PTPRS: variants seen among roughly 807,000 people sequenced by gnomAD.
PTPRS encodes receptor-type tyrosine-protein phosphatase S.
A neutral mutation model predicts 215.3 loss-of-function variants in PTPRS; 63 were observed. The observed-to-expected ratio is 0.29, with a 90% confidence interval of 0.24 to 0.36. The LOEUF (loss-of-function observed/expected upper bound fraction) is 0.36, where lower values mean the gene tolerates loss of function less well. Among genes scored for constraint, PTPRS ranks in the 10% least tolerant of loss-of-function variants. The probability of loss-of-function intolerance (pLI) is 1.00; values close to 1 mark genes in which losing one functional copy is unlikely to be tolerated. For synonymous variants in PTPRS, 1,404 were observed against 1,191.4 expected (o/e 1.18, Z -3.68); for missense variants, 2,258 against 2,825.8 (o/e 0.80, Z 4.56).
At chr19:5,327,459 C>T (rs1158702366) in intron 1 of PTPRS, among the ~76,000 whole-genome samples, 1 of 152,128 alleles carries the variant, frequency 6.6e-6, no homozygotes, top group African/African-American at 2.4e-5. Flanking sequence ...GAACAAGCAG[C>T]TCAGACATGA....
intron 4 of PTPRS, among the ~76,000 whole-genome samples, chr19:5,270,952 C>G (rs1638365014): frequency 6.6e-6 from 1 of 152,148 alleles, no homozygotes; most frequent in Non-Finnish European, 1.5e-5. Context: ...GGGAGGGATC[C>G]TGGATGACTG....
rs2042994747 is a variant in PTPRS, at chr19:5,231,313, C to G, written c.2152G>C (p.Asp718His). ...SSPVVVRTDEDVPSAPPRKVE... is the reference protein window; with the variant it reads ...SSPVVVRTDEHVPSAPPRKVE... ...CGGGCCTGGGGCAGGTACTTACCAT[C>G]CTCGTCGGTGCGGACGACCACGGGC... Residue 718 changes from aspartate to histidine, a missense_variant, in exon 14 of 38, where the codon GAT (aspartate) becomes CAT (histidine). Physicochemically the swap from Asp to His is moderately conservative, Grantham distance 81 (BLOSUM62 -1). Around this residue, in one of 6 missense-constraint regions of PTPRS, gnomAD observed 371 missense variants for 446.7 expected, o/e 0.83. Coordinates refer to ENST00000262963, the MANE Select transcript of PTPRS (RefSeq NM_002850.4). 2.5e-6 allele frequency: 4 copies of G among 1,604,664 alleles called. No homozygotes were observed. Among genetic ancestry groups the G allele is most frequent in the Non-Finnish European group, 3.4e-6 (4 of 1,178,358 alleles).
At chr19:5,246,901 G>A (rs1403157712) in intron 9 of PTPRS, among the ~76,000 whole-genome samples, 1 of 151,618 alleles carries the variant, frequency 6.6e-6, no homozygotes, top group Admixed American at 6.7e-5. Context: ...GAGAGAGAGA[G>A]AGAAAGAGAG....
chr19:5,222,198 C>T lies in PTPRS; in HGVS notation c.3126G>A (p.Val1042=). The change falls in exon 19 of 38, where the codon GTG becomes GTA. Residue 1042 remains valine, a synonymous_variant. Coordinates refer to ENST00000262963, the MANE Select transcript of PTPRS (RefSeq NM_002850.4). Reference sequence around the variant, plus strand: ...GAACTGATGTCTTCATGATCATTTTCACCTTGAAGTTCTTGGGCGAGACTG... The same window carrying T: ...GAACTGATGTCTTCATGATCATTTTTACCTTGAAGTTCTTGGGCGAGACTG... The part of the protein sequence containing the change: ...RDQVSPKNFK[V]KMIMKTSVLL... 6.2e-7 allele frequency: 1 copy of T among 1,613,918 alleles called. No homozygotes were observed. Among genetic ancestry groups the T allele is most frequent in the Non-Finnish European group, 8.5e-7 (1 of 1,179,954 alleles).
intron 10 of PTPRS, among the ~76,000 whole-genome samples, chr19:5,245,483 G>A (rs1222784487): frequency 6.6e-6 from 1 of 151,676 alleles, no homozygotes; most frequent in Admixed American, 6.6e-5. Flanking sequence ...GGTAGAGAAG[G>A]GGCCTGGCTA....
chr19:5,234,479 C>G (rs1490299917), intron 13 of PTPRS, among the ~76,000 whole-genome samples: 2 of 152,200 alleles, frequency 1.3e-5, no homozygotes, highest in Non-Finnish European at 1.5e-5. Context: ...CAACTATGCA[C>G]CTGGCACCAC....
chr19:5,219,580 T>C lies in PTPRS; in HGVS notation c.3766-113A>G, dbSNP rs2041796027. 5 of 1,305,648 alleles carry C rather than the reference T, an allele frequency of 3.8e-6. No homozygotes were observed. The African/African-American group carries it at 6.0e-5, about 16-fold the overall frequency. 80.9% of individuals were successfully genotyped at this position (1,305,648 alleles called of 1,614,324 possible). ...TCCCCCGCTCTAGATCCTCCTATAT[T>C]CCTAGAACCTTGACCCTGGTGGCCT... On this transcript the variant is annotated intron_variant, in intron 22 of 37. Coordinates refer to ENST00000262963, the MANE Select transcript of PTPRS (RefSeq NM_002850.4).
chr19:5,205,678 CCTT>C lies in PTPRS; in HGVS notation c.*1093_*1095del, dbSNP rs2040310814. ...GGTAGGCGGGTAGAGGGGGGCCTGTCCTTCTGGTTTTGCTCCCAAACTGCCCCA... is the reference window on the plus strand; with the variant it reads ...GGTAGGCGGGTAGAGGGGGGCCTGTCCTGGTTTTGCTCCCAAACTGCCCCA... On this transcript the variant is annotated 3_prime_UTR_variant, in exon 38 of 38. Transcript: ENST00000262963. Among the ~76,000 whole-genome samples, 1 of 152,166 alleles carries C rather than the reference CCTT, an allele frequency of 6.6e-6. No individual in the cohort carries two copies. The highest frequency in any genetic ancestry group is 6.5e-5 in the Admixed American group (1 of 15,280).
intron 16 of PTPRS, among the ~76,000 whole-genome samples, chr19:5,228,495 GCCA>G (rs779931454): frequency 6.6e-6 from 1 of 151,970 alleles, no homozygotes; most frequent in Non-Finnish European, 1.5e-5. Context: ...ACAGGTGCCT[GCCA>G]CCACACCAGG....
intron 1 of PTPRS, among the ~76,000 whole-genome samples, chr19:5,327,476 C>T (rs1319002555): frequency 6.6e-6 from 1 of 152,164 alleles, no homozygotes. Context: ...ATGATTCAAA[C>T]TTGCACCATT....
chr19:5,330,180 G>A (rs558158675), intron 1 of PTPRS, among the ~76,000 whole-genome samples: 1 of 152,116 alleles, frequency 6.6e-6, no homozygotes, highest in South Asian at 2.1e-4. Context: ...GTGACTGCAG[G>A]GCCCCCGTGA....
chr19:5,283,176 G>A lies in PTPRS; in HGVS notation c.91+2874C>T, dbSNP rs79084385. On this transcript the variant is annotated intron_variant, in intron 2 of 37. Transcript: ENST00000262963. Reference sequence around the variant, plus strand: ...CACCCTGTCCCCTCCAACCCTGCCCGGGGCCAGCCCCACGGCATCCTGGGA... The same window carrying A: ...CACCCTGTCCCCTCCAACCCTGCCCAGGGCCAGCCCCACGGCATCCTGGGA... 1.2e-3 allele frequency among the ~76,000 whole-genome samples: 171 copies of A among 140,738 alleles called. 7 individuals carry two copies. The East Asian group carries it at 0.037, about 30-fold the overall frequency. 92.3% of individuals were successfully genotyped at this position (140,738 alleles called of 152,430 possible).
chr19:5,231,115 G>A (rs935734621), intron 14 of PTPRS, among the ~76,000 whole-genome samples, 195 bp downstream of exon 14: 19 of 152,336 alleles, frequency 1.2e-4, no homozygotes, highest in Middle Eastern at 3.4e-3. Context: ...GCAGAGCTAA[G>A]CCTGCCCATG....
chr19:5,274,064 C>T (rs551327921), intron 3 of PTPRS, 135 bp downstream of exon 3: 17 of 1,259,676 alleles, frequency 1.3e-5, no homozygotes, highest in Middle Eastern at 2.8e-4. Context: ...CTGGAGGCTG[C>T]GCAGCCATGC....
chr19:5,264,458 G>A (rs941645294), intron 5 of PTPRS, among the ~76,000 whole-genome samples: 7 of 152,172 alleles, frequency 4.6e-5, no homozygotes, highest in East Asian at 1.9e-4. Flanking sequence ...GGGCACTGCC[G>A]ATACCCACCA....
At chr19:5,299,060 C>A (rs753335077) in intron 1 of PTPRS, among the ~76,000 whole-genome samples, 11 of 152,224 alleles carry the variant, frequency 7.2e-5, no homozygotes, top group Non-Finnish European at 1.3e-4. Flanking sequence ...ACAGTCACCT[C>A]TGCCCTGGTC....
intron 4 of PTPRS, among the ~76,000 whole-genome samples, chr19:5,268,852 C>T (rs1022682701): frequency 1.3e-5 from 2 of 152,180 alleles, no homozygotes; most frequent in Non-Finnish European, 2.9e-5. Flanking sequence ...TGAGCAGGAC[C>T]GGCTGCAAAA....
chr19:5,231,219 GA>G, intron 14 of PTPRS, 90 bp downstream of exon 14: 1 of 1,366,328 alleles, frequency 7.3e-7, no homozygotes, highest in Non-Finnish European at 9.8e-7. Context: ...TCCGCCCTTT[GA>G]CCACCAGCCC....
intron 1 of PTPRS, among the ~76,000 whole-genome samples, chr19:5,327,407 C>CT (rs1434105218): frequency 3.9e-5 from 6 of 152,152 alleles, no homozygotes; most frequent in Non-Finnish European, 7.4e-5. Context: ...GACGAGAAAA[C>CT]TGAGGCCCTG....
Sources: allele counts gnomAD v4.1 joint callset (sites outside exome capture counted in the v4.1 genomes callset), GRCh38; gene constraint gnomAD v4.1.1; regional missense constraint gnomAD v4.1.1; transcripts MANE v1.5; gene names NCBI Gene and HGNC (gene_info 2026-07-23, HGNC 2026-07-21).